SCAI: variants seen among roughly 807,000 people sequenced by gnomAD.
SCAI encodes suppressor of cancer cell invasion, also known as protein SCAI.
SCAI carries 24 observed loss-of-function variants against 92.2 expected under a neutral mutation model. The observed-to-expected ratio is 0.26, with a 90% CI of 0.19 to 0.37. The LOEUF (loss-of-function observed/expected upper bound fraction) is 0.37, where lower values mean the gene tolerates loss of function less well. Ranked by LOEUF, SCAI falls within the 10% of genes least tolerant of loss-of-function variation. SCAI has a pLI of 1.00. For synonymous variants in SCAI, 261 were observed against 258.6 expected (o/e 1.01, Z -0.09); for missense variants, 450 against 736.2 (o/e 0.61, Z 4.50).
At chr9:125,060,253 G>A (rs1269123991) in intron 2 of SCAI, among the ~76,000 whole-genome samples, 2 of 146,574 alleles carry the variant, frequency 1.4e-5, no homozygotes, top group Admixed American at 6.8e-5. Flanking sequence ...GATTTAGAAG[G>A]CTTAGTATGA....
chr9:124,992,920 C>T (rs903151128), intron 14 of SCAI, among the ~76,000 whole-genome samples: 2 of 152,260 alleles, frequency 1.3e-5, no homozygotes, highest in South Asian at 4.1e-4. Flanking sequence ...AACATTCATC[C>T]TAAATCTAAA....
At chr9:124,997,778 AGGCAG>A (rs1832268828) in intron 13 of SCAI, among the ~76,000 whole-genome samples, 1 of 151,426 alleles carries the variant, frequency 6.6e-6, no homozygotes. Flanking sequence ...TGGGAGGCTG[AGGCAG>A]GAGAATCGCT....
chr9:125,030,247 A>G (rs938424728), intron 3 of SCAI, among the ~76,000 whole-genome samples: 6 of 152,170 alleles, frequency 3.9e-5, no homozygotes, highest in Non-Finnish European at 8.8e-5. Flanking sequence ...AATACTCCCT[A>G]CCATACAAAC....
chr9:125,057,556 T>C (rs1045223510), intron 2 of SCAI, among the ~76,000 whole-genome samples: 1 of 152,188 alleles, frequency 6.6e-6, no homozygotes, highest in African/African-American at 2.4e-5. Context: ...TTCACTCTTA[T>C]AGCCACCAAG....
intron 2 of SCAI, among the ~76,000 whole-genome samples, chr9:125,114,484 T>A (rs1205497044): frequency 6.6e-6 from 1 of 152,192 alleles, no homozygotes; most frequent in Non-Finnish European, 1.5e-5. Context: ...GAATTCTCAC[T>A]GAAGTACCTG....
chr9:125,067,304 T>C (rs1183417515), intron 2 of SCAI, among the ~76,000 whole-genome samples: 1 of 152,134 alleles, frequency 6.6e-6, no homozygotes, highest in Non-Finnish European at 1.5e-5. Flanking sequence ...GTTTTGCAGA[T>C]GTAATTAAGG....
intron 2 of SCAI, among the ~76,000 whole-genome samples, chr9:125,066,549 G>A (rs1195831784): frequency 1.3e-5 from 2 of 151,424 alleles, no homozygotes; most frequent in African/African-American, 4.9e-5. Context: ...TCTGACTCCC[G>A]GGTTCACACC....
At position 124,945,348 on chromosome 9, in the gene SCAI, G is replaced by C. The variant is rs1233067459; in HGVS notation, c.*7459C>G. 5 of 152,110 alleles carry C rather than the reference G, an allele frequency of 3.3e-5. No homozygotes were observed. The allele number at this position is 152,110 out of a possible 1,614,324, so 9.4% of individuals were successfully genotyped here. ...AGGCGGGTGGATCACTTGAGGTCAG[G>C]AGTTCGAGACCAACCTGGCCAACAT... On this transcript the variant is annotated 3_prime_UTR_variant, in exon 18 of 18. Coordinates refer to ENST00000336505, the MANE Select transcript of SCAI (RefSeq NM_001144877.3).
At chr9:125,142,916 C>T (rs1835702792) in intron 1 of SCAI, among the ~76,000 whole-genome samples, 1 of 152,064 alleles carries the variant, frequency 6.6e-6, no homozygotes, top group South Asian at 2.1e-4. Flanking sequence ...GTCCCTCACC[C>T]CATCCTCGAC....
At chr9:125,071,248 A>C (rs1458994720) in intron 2 of SCAI, among the ~76,000 whole-genome samples, 2 of 152,150 alleles carry the variant, frequency 1.3e-5, no homozygotes, top group Admixed American at 1.3e-4. Context: ...TTTTGTAAAA[A>C]ATCAGCCTGG....
At chr9:125,052,365 G>A (rs529753602) in intron 3 of SCAI, among the ~76,000 whole-genome samples, 1 of 152,286 alleles carries the variant, frequency 6.6e-6, no homozygotes, top group Non-Finnish European at 1.5e-5. Context: ...GAGGTCAGGA[G>A]TTCTAGACCA....
chr9:125,120,115 G>A (rs1441267297), intron 2 of SCAI, among the ~76,000 whole-genome samples: 3 of 152,182 alleles, frequency 2.0e-5, no homozygotes, highest in Non-Finnish European at 4.4e-5. Context: ...TAGATGGGAG[G>A]AGTGTGAAGA....
chr9:124,986,014 G>A (rs566435382), intron 14 of SCAI, among the ~76,000 whole-genome samples: 8 of 151,642 alleles, frequency 5.3e-5, no homozygotes, highest in South Asian at 2.1e-4. Flanking sequence ...TGGAGTGTCC[G>A]GGCGCGGTGG....
intron 2 of SCAI, among the ~76,000 whole-genome samples, chr9:125,111,548 T>A (rs1362533221): frequency 2.0e-5 from 3 of 148,678 alleles, no homozygotes; most frequent in African/African-American, 7.3e-5. Context: ...TATGAGACTT[T>A]TTTTGTGAAA....
At chr9:124,962,143 T>C (rs1336091306) in intron 17 of SCAI, among the ~76,000 whole-genome samples, 1 of 141,410 alleles carries the variant, frequency 7.1e-6, no homozygotes, top group East Asian at 2.2e-4. Context: ...CAAATCATAA[T>C]ATATGTCTTT....
intron 9 of SCAI, among the ~76,000 whole-genome samples, chr9:125,012,436 G>T (rs997653619): frequency 6.6e-6 from 1 of 152,080 alleles, no homozygotes; most frequent in African/African-American, 2.4e-5. Flanking sequence ...AGATAAAGAA[G>T]GCCATTACAT....
chr9:124,954,914 C>T lies in SCAI; in HGVS notation c.1675-1961G>A, dbSNP rs111293832. Among the ~76,000 whole-genome samples the T allele has an allele frequency of 2.8e-3, 419 of 151,582 alleles. 2 individuals carry two copies. Among genetic ancestry groups the T allele is most frequent in the African/African-American group, 9.6e-3 (396 of 41,340 alleles). ...GGTGTGGTGGCTCACCCTTGTAATC[C>T]CAGCACACTGGGAGGCCAAAGCAGG... On this transcript the variant is annotated intron_variant, in intron 17 of 17. Transcript: ENST00000336505.
At chr9:124,997,968 AT>A (rs747115745) in intron 13 of SCAI, among the ~76,000 whole-genome samples, 3 of 151,580 alleles carry the variant, frequency 2.0e-5, no homozygotes, top group South Asian at 2.1e-4. Flanking sequence ...ATTTAAAAAA[AT>A]TTTTTTTTAA....
chr9:125,042,634 TACACACACACACACACAC>T (rs1554783862), intron 3 of SCAI, among the ~76,000 whole-genome samples: 1 of 96,192 alleles, frequency 1.0e-5, no homozygotes, highest in African/African-American at 3.9e-5. Context: ...TGTGTGTGTG[TACACACACACACACACAC>T]ACACACACAC....
Sources: gnomAD v4.1 joint callset for allele counts (sites outside exome capture counted in the v4.1 genomes callset) on GRCh38, gnomAD v4.1.1 for gene constraint, MANE v1.5 for transcripts, NCBI Gene and HGNC (gene_info 2026-07-23, HGNC 2026-07-21) for gene names.